Variants in COBL observed in about 807,000 individuals in gnomAD.
COBL encodes cordon-bleu WH2 repeat protein.
Under a neutral mutation model 98.8 loss-of-function variants are expected in COBL, and 51 were observed. That is an observed-to-expected ratio of 0.52 (90% CI 0.41 to 0.65). The LOEUF is 0.65. Ranked by LOEUF, COBL falls within the 30% of genes least tolerant of loss-of-function variation. The pLI is 0.00. For synonymous variants in COBL, 634 were observed against 651.7 expected (o/e 0.97, Z 0.41); for missense variants, 1,617 against 1,617.5 (o/e 1.00, Z 0.01).
intron 7 of COBL, among the ~76,000 whole-genome samples, chr7:51,055,017 G>C (rs1421000726): frequency 6.6e-6 from 1 of 152,176 alleles, no homozygotes; most frequent in African/African-American, 2.4e-5. Context: ...CCAGGAGACA[G>C]GGGGTGCCTT....
At chr7:51,300,535 C>G (rs972442362) in intron 1 of COBL, among the ~76,000 whole-genome samples, 1 of 152,238 alleles carries the variant, frequency 6.6e-6, no homozygotes, top group Non-Finnish European at 1.5e-5. Flanking sequence ...CAGAGTGTCA[C>G]GTGGTGTGTT....
intron 1 of COBL, among the ~76,000 whole-genome samples, chr7:51,243,516 G>A (rs2129126623): frequency 6.6e-6 from 1 of 152,360 alleles, no homozygotes; most frequent in African/African-American, 2.4e-5. Flanking sequence ...AAAACATGAT[G>A]TGGGGATCAT....
intron 1 of COBL, among the ~76,000 whole-genome samples, chr7:51,296,961 G>A (rs1801467874): frequency 6.6e-6 from 1 of 152,148 alleles, no homozygotes; most frequent in Admixed American, 6.5e-5. Context: ...TGATGGCTGG[G>A]TGTAATACTG....
intron 2 of COBL, among the ~76,000 whole-genome samples, chr7:51,199,146 C>T (rs1168912072): frequency 6.6e-6 from 1 of 152,308 alleles, no homozygotes; most frequent in East Asian, 1.9e-4. Flanking sequence ...AGTCATGTGA[C>T]CTGGCTTCAG....
chr7:51,291,033 C>A (rs1800842648), intron 1 of COBL, among the ~76,000 whole-genome samples: 2 of 152,184 alleles, frequency 1.3e-5, no homozygotes. Context: ...GGCTCACAAC[C>A]CTTGGGGTAT....
chr7:51,302,537 C>T (rs996293073), intron 1 of COBL, among the ~76,000 whole-genome samples: 14 of 149,018 alleles, frequency 9.4e-5, no homozygotes, highest in Admixed American at 8.8e-4. Flanking sequence ...GCCGATATTG[C>T]GCCATTGCAC....
intron 1 of COBL, among the ~76,000 whole-genome samples, chr7:51,262,956 A>AT (rs1304285667): frequency 1.3e-5 from 2 of 152,114 alleles, no homozygotes; most frequent in East Asian, 3.9e-4. Context: ...AAAAGAAGTC[A>AT]GTGTCCAGCA....
chr7:51,289,766 G>A (rs1379363723), intron 1 of COBL, among the ~76,000 whole-genome samples: 1 of 152,236 alleles, frequency 6.6e-6, no homozygotes, highest in South Asian at 2.1e-4. Context: ...AAACAATGAC[G>A]CCTCCTTTGA....
At chr7:51,183,805 G>A (rs1191586685) in intron 5 of COBL, among the ~76,000 whole-genome samples, 1 of 149,446 alleles carries the variant, frequency 6.7e-6, no homozygotes, top group East Asian at 1.9e-4. Context: ...AGAGTTCTGT[G>A]GAAGTACCGG....
chr7:51,114,135 G>A (rs1170365738), intron 6 of COBL, among the ~76,000 whole-genome samples: 1 of 152,210 alleles, frequency 6.6e-6, no homozygotes, highest in Non-Finnish European at 1.5e-5. Context: ...GCCTGCTGGG[G>A]AGGTCTAACA....
At chr7:51,094,937 A>T (rs955638490) in intron 6 of COBL, among the ~76,000 whole-genome samples, 1 of 152,238 alleles carries the variant, frequency 6.6e-6, no homozygotes, top group Non-Finnish European at 1.5e-5. Context: ...TTATCAATTT[A>T]AAAGAGATTG....
chr7:51,091,605 T>C (rs1416285928), intron 6 of COBL, among the ~76,000 whole-genome samples: 1 of 152,086 alleles, frequency 6.6e-6, no homozygotes, highest in African/African-American at 2.4e-5. Context: ...AGAGAGTTGA[T>C]CTGGAGAAGT....
At chr7:51,155,780 G>C (rs1021185841) in intron 5 of COBL, among the ~76,000 whole-genome samples, 1 of 151,958 alleles carries the variant, frequency 6.6e-6, no homozygotes, top group Non-Finnish European at 1.5e-5. Context: ...AACGTTATCT[G>C]CTCAGGACTA....
intron 7 of COBL, among the ~76,000 whole-genome samples, chr7:51,081,414 TCCG>T (rs1793655719): frequency 6.6e-6 from 1 of 152,194 alleles, no homozygotes; most frequent in African/African-American, 2.4e-5. Flanking sequence ...TGGTTTTCTC[TCCG>T]CCACTTCGCT....
intron 6 of COBL, among the ~76,000 whole-genome samples, chr7:51,106,520 C>T (rs1415462922): frequency 6.6e-6 from 1 of 152,154 alleles, no homozygotes; most frequent in Non-Finnish European, 1.5e-5. Context: ...CTGCACAAAC[C>T]ACACATCATA....
Position 51,104,871 on chromosome 7 carries a change from T to A in COBL, c.958-19567A>T, listed in dbSNP as rs1046511417. 3.9e-5 allele frequency among the ~76,000 whole-genome samples: 6 copies of A among 152,116 alleles called. No homozygotes were observed. The South Asian group carries it at 6.2e-4, about 16-fold the overall frequency. On this transcript the variant is annotated intron_variant, in intron 6 of 12. Coordinates refer to ENST00000265136, the MANE Select transcript of COBL (RefSeq NM_015198.5). Reference sequence around the variant, plus strand: ...GTCCATTTTCAAGGCATGATAAATCTAAGTATGAGCAGCCAGCCTGAGAAT... The same window carrying A: ...GTCCATTTTCAAGGCATGATAAATCAAAGTATGAGCAGCCAGCCTGAGAAT...
At chr7:51,139,445 T>C (rs1799536374) in intron 5 of COBL, among the ~76,000 whole-genome samples, 1 of 152,184 alleles carries the variant, frequency 6.6e-6, no homozygotes, top group Admixed American at 6.5e-5. Flanking sequence ...GAGGCCTTCA[T>C]CTGTGACTCT....
At chr7:51,151,807 G>A (rs759723818) in intron 5 of COBL, among the ~76,000 whole-genome samples, 1 of 152,220 alleles carries the variant, frequency 6.6e-6, no homozygotes, top group Non-Finnish European at 1.5e-5. Context: ...TTCTTCAAGA[G>A]CAGAAAGGGC....
chr7:51,219,000 C>T (rs920450649), intron 2 of COBL, among the ~76,000 whole-genome samples: 1 of 152,086 alleles, frequency 6.6e-6, no homozygotes, highest in Admixed American at 6.5e-5. Flanking sequence ...AAGAATAGCA[C>T]AAAACTATTT....
Sources: gnomAD v4.1 joint callset for allele counts (sites outside exome capture counted in the v4.1 genomes callset) on GRCh38, gnomAD v4.1.1 for gene constraint, MANE v1.5 for transcripts, NCBI Gene and HGNC (gene_info 2026-07-23, HGNC 2026-07-21) for gene names.